IGFL2: variants seen among roughly 807,000 people sequenced by gnomAD.
IGFL2 encodes the protein insulin growth factor-like family member 2.
In IGFL2, 7 loss-of-function variants were observed where a neutral mutation model predicts 13.9. The observed-to-expected ratio is 0.51, with a 90% CI of 0.29 to 0.95. The LOEUF (loss-of-function observed/expected upper bound fraction) is 0.95. IGFL2 is among the 40% of genes least tolerant of loss of function. IGFL2 has a pLI of 0.08. For missense variants in IGFL2, 138 were observed against 147.8 expected (o/e 0.93, Z 0.34); for synonymous variants, 55 against 55.8 (o/e 0.99, Z 0.07).
chr19:46,193,761 A>G, the IGFL2 span, among the ~76,000 whole-genome samples: 2 of 152,162 alleles, frequency 1.3e-5, no homozygotes, highest in Admixed American at 6.5e-5. Flanking sequence ...ATTTTATTCT[A>G]TCTTGGATGT....
the IGFL2 span, chr19:46,137,105 A>C: frequency 3.1e-6 from 5 of 1,607,696 alleles, no homozygotes; most frequent in Non-Finnish European, 4.3e-6. Context: ...TGGCCTCCCT[A>C]GGGTTGGGTT....
chr19:46,118,585 C>T, the IGFL2 span, among the ~76,000 whole-genome samples: 1 of 152,184 alleles, frequency 6.6e-6, no homozygotes, highest in African/African-American at 2.4e-5. Flanking sequence ...GAAAGGGAAC[C>T]CCCACACACT....
the IGFL2 span, among the ~76,000 whole-genome samples, chr19:46,107,864 GA>G: frequency 7.9e-5 from 12 of 152,294 alleles, no homozygotes; most frequent in Non-Finnish European, 1.6e-4. Context: ...AATGGGCCAT[GA>G]ACTGGGCTGG....
At chr19:46,108,334 C>T in the IGFL2 span, among the ~76,000 whole-genome samples, 41 of 152,038 alleles carry the variant, frequency 2.7e-4, no homozygotes, top group Admixed American at 6.5e-5. Context: ...GACCGTTTGC[C>T]CATTTTTTGA....
the IGFL2 span, among the ~76,000 whole-genome samples, chr19:46,170,341 A>G: frequency 6.6e-6 from 1 of 152,198 alleles, no homozygotes; most frequent in Admixed American, 6.5e-5. Flanking sequence ...TCCCCAATCA[A>G]TACTCTTATA....
chr19:46,185,967 G>A, the IGFL2 span, among the ~76,000 whole-genome samples: 1 of 152,210 alleles, frequency 6.6e-6, no homozygotes, highest in African/African-American at 2.4e-5. Context: ...GCTATGGTGG[G>A]CGTCATCGGC....
chr19:46,181,588 C>T, the IGFL2 span, among the ~76,000 whole-genome samples: 3 of 152,216 alleles, frequency 2.0e-5, no homozygotes, highest in Admixed American at 2.0e-4. Flanking sequence ...AGGGCTGCCG[C>T]CTGGTCCTGA....
the IGFL2 span, among the ~76,000 whole-genome samples, chr19:46,081,091 C>T: frequency 1.3e-5 from 2 of 152,212 alleles, no homozygotes; most frequent in Non-Finnish European, 2.9e-5. Flanking sequence ...AGGCTTCCCA[C>T]ACAACTATCT....
chr19:46,203,035 G>GT, the IGFL2 span: 1 of 152,248 alleles, frequency 6.6e-6, no homozygotes, highest in East Asian at 1.9e-4. Flanking sequence ...CAACAAGACT[G>GT]TTTATTTTAC....
chr19:46,166,136 A>G (rs985098839), downstream of IGFL2, among the ~76,000 whole-genome samples: 5 of 152,222 alleles, frequency 3.3e-5, no homozygotes, highest in African/African-American at 1.2e-4. Context: ...CCCACTGGCT[A>G]ACAAAGAGGA....
the IGFL2 span, chr19:46,124,190 A>C: frequency 6.2e-7 from 1 of 1,610,048 alleles, no homozygotes; most frequent in East Asian, 2.3e-5. Context: ...ACATCCAAGG[A>C]AGAACAGATA....
chr19:46,127,133 C>T, the IGFL2 span, among the ~76,000 whole-genome samples: 29 of 152,144 alleles, frequency 1.9e-4, no homozygotes, highest in African/African-American at 7.0e-4. Flanking sequence ...CACCTGTAAT[C>T]CTGGCACTTT....
intron 1 of IGFL2, among the ~76,000 whole-genome samples, chr19:46,150,654 T>C (rs1372684974): frequency 1.3e-5 from 2 of 152,208 alleles, no homozygotes; most frequent in Non-Finnish European, 2.9e-5. Context: ...TCTTCAGCAA[T>C]TTTGAAATAT....
At chr19:46,200,199 C>T in the IGFL2 span, among the ~76,000 whole-genome samples, 3 of 150,938 alleles carry the variant, frequency 2.0e-5, no homozygotes, top group South Asian at 4.2e-4. Flanking sequence ...GACAAGATCT[C>T]GTTCTGTCAC....
the IGFL2 span, among the ~76,000 whole-genome samples, chr19:46,132,423 G>A: frequency 2.0e-5 from 3 of 152,202 alleles, no homozygotes; most frequent in Non-Finnish European, 4.4e-5. Flanking sequence ...GGACATAAGT[G>A]ACACAAACTT....
At chr19:46,173,049 C>G in the IGFL2 span, among the ~76,000 whole-genome samples, 5 of 152,210 alleles carry the variant, frequency 3.3e-5, no homozygotes, top group Non-Finnish European at 5.9e-5. Context: ...TCAAATATCT[C>G]TTCCATAGAG....
upstream of IGFL2, among the ~76,000 whole-genome samples, chr19:46,146,879 T>A (rs370427350): frequency 8.5e-5 from 13 of 152,176 alleles, no homozygotes; most frequent in African/African-American, 2.9e-4. Context: ...CTGATCTCTG[T>A]CTCACCCTCC....
At chr19:46,205,528 T>C in the IGFL2 span, among the ~76,000 whole-genome samples, 2 of 152,038 alleles carry the variant, frequency 1.3e-5, no homozygotes, top group Non-Finnish European at 2.9e-5. Context: ...CCTATGGAAA[T>C]CAGATACCAC....
chr19:46,130,856 T>C, the IGFL2 span, among the ~76,000 whole-genome samples: 3 of 152,186 alleles, frequency 2.0e-5, no homozygotes, highest in Non-Finnish European at 4.4e-5. Context: ...TTGTCTGTTA[T>C]ATGTTTTCCT....
Sources: gnomAD v4.1 joint callset for allele counts (sites outside exome capture counted in the v4.1 genomes callset) on GRCh38, gnomAD v4.1.1 for gene constraint, MANE v1.5 for transcripts, NCBI Gene and HGNC (gene_info 2026-07-23, HGNC 2026-07-21) for gene names.